Variants in KAT2B observed in about 807,000 individuals in gnomAD.
The protein encoded by KAT2B is histone acetyltransferase KAT2B.
In KAT2B, 36 loss-of-function variants were observed where a neutral mutation model predicts 105.9. That is an observed-to-expected ratio of 0.34 (90% CI 0.26 to 0.45). The LOEUF (loss-of-function observed/expected upper bound fraction) is 0.45, where lower values mean the gene tolerates loss of function less well. Ranked by LOEUF, KAT2B falls within the 20% of genes least tolerant of loss-of-function variation. The pLI is 1.00. For missense variants in KAT2B, 820 were observed against 1,021.6 expected, an observed-to-expected ratio of 0.80 and a Z score of 2.69; for synonymous variants, 397 against 377.9, an observed-to-expected ratio of 1.05 and a Z score of -0.59.
chr3:20,059,254 A>C (rs1440896438), intron 1 of KAT2B, among the ~76,000 whole-genome samples: 2 of 151,880 alleles, frequency 1.3e-5, no homozygotes, highest in African/African-American at 4.8e-5. Context: ...CTCTACTAAA[A>C]ATACAAAAAT....
chr3:20,048,513 G>A (rs1390959569), intron 1 of KAT2B, among the ~76,000 whole-genome samples: 1 of 152,164 alleles, frequency 6.6e-6, no homozygotes, highest in Non-Finnish European at 1.5e-5. Context: ...CGGTTGTTAA[G>A]TAAATCCATA....
intron 1 of KAT2B, among the ~76,000 whole-genome samples, chr3:20,057,256 A>G (rs1298897595): frequency 1.3e-5 from 2 of 152,170 alleles, no homozygotes; most frequent in African/African-American, 2.4e-5. Context: ...ATGGAGGGCA[A>G]GCCTTTTTGT....
chr3:20,086,876 G>C (rs1467843470), intron 2 of KAT2B, among the ~76,000 whole-genome samples: 1 of 113,366 alleles, frequency 8.8e-6, no homozygotes, highest in African/African-American at 4.0e-5. Context: ...CCACCTCCTG[G>C]ATTCAAGTCA....
intron 16 of KAT2B, 21 bp from the exon 17 acceptor site, chr3:20,148,382 T>C (rs1248447292): frequency 6.2e-7 from 1 of 1,609,716 alleles, no homozygotes; most frequent in Non-Finnish European, 8.5e-7. Flanking sequence ...ATTAGATACC[T>C]TACTTTTTTC....
At chr3:20,044,660 A>G (rs948941441) in intron 1 of KAT2B, among the ~76,000 whole-genome samples, 1 of 152,106 alleles carries the variant, frequency 6.6e-6, no homozygotes, top group Non-Finnish European at 1.5e-5. Flanking sequence ...TCCACATTTT[A>G]AAATTAACTC....
intron 2 of KAT2B, among the ~76,000 whole-genome samples, chr3:20,073,421 A>G (rs928188082): frequency 6.6e-6 from 1 of 152,176 alleles, no homozygotes; most frequent in Admixed American, 6.5e-5. Context: ...GTCGCCTCCA[A>G]GGTTAGCATG....
chr3:20,059,560 C>T (rs1380857969), intron 1 of KAT2B, among the ~76,000 whole-genome samples: 2 of 151,854 alleles, frequency 1.3e-5, no homozygotes, highest in Non-Finnish European at 2.9e-5. Context: ...AAAAAATTAG[C>T]CAGGTGTGGT....
Position 20,093,142 on chromosome 3 carries a change from A to G in KAT2B, c.431-2121A>G, listed in dbSNP as rs114353412. ...CATGTTAGTTTGAGTTCCCCAAGAA[A>G]CAGACTCTGAGACAAGGATTTGAGT... On this transcript the variant is annotated intron_variant, in intron 2 of 17. Transcript: ENST00000263754. Among the ~76,000 whole-genome samples, 1,356 of 152,320 alleles carry G rather than the reference A, an allele frequency of 8.9e-3. 16 individuals carry two copies. The highest frequency in any genetic ancestry group is 0.025 in the African/African-American group (1,026 of 41,566).
chr3:20,043,226 C>G (rs1186757604), intron 1 of KAT2B, among the ~76,000 whole-genome samples: 1 of 152,024 alleles, frequency 6.6e-6, no homozygotes, highest in Non-Finnish European at 1.5e-5. Flanking sequence ...TTTTATGTAT[C>G]CATTCATTCA....
intron 1 of KAT2B, among the ~76,000 whole-genome samples, chr3:20,047,091 T>C (rs1697825181): frequency 6.6e-6 from 1 of 151,956 alleles, no homozygotes; most frequent in Non-Finnish European, 1.5e-5. Context: ...CTTTTTTTTT[T>C]CTGAGGCTTT....
At chr3:20,140,732 T>G (rs887166955) in intron 13 of KAT2B, among the ~76,000 whole-genome samples, 1 of 152,170 alleles carries the variant, frequency 6.6e-6, no homozygotes, top group Non-Finnish European at 1.5e-5. Flanking sequence ...CCTCAAGTGA[T>G]CCACCTGCCT....
intron 1 of KAT2B, among the ~76,000 whole-genome samples, chr3:20,044,251 C>T (rs532027966): frequency 1.6e-4 from 24 of 151,640 alleles, no homozygotes; most frequent in Non-Finnish European, 2.4e-4. Context: ...GAGGCCGAGG[C>T]GGGAGGATCA....
intron 12 of KAT2B, 47 bp downstream of exon 12, chr3:20,137,099 T>C: frequency 3.2e-6 from 3 of 944,888 alleles, no homozygotes; most frequent in East Asian, 2.4e-5. Flanking sequence ...CTTTTCTTAA[T>C]ATGTTCTCAG....
chr3:20,100,111 G>T (rs1177803302), intron 4 of KAT2B, among the ~76,000 whole-genome samples, 157 bp downstream of exon 4: 1 of 152,160 alleles, frequency 6.6e-6, no homozygotes, highest in Non-Finnish European at 1.5e-5. Flanking sequence ...TGGATCAGAG[G>T]TGTATACCTA....
chr3:20,110,810 T>C (rs544783539), intron 5 of KAT2B, among the ~76,000 whole-genome samples: 1 of 152,258 alleles, frequency 6.6e-6, no homozygotes, highest in East Asian at 1.9e-4. Flanking sequence ...CCTAGAACTG[T>C]GGTCACATCT....
In KAT2B at chr3:20,072,495, T is replaced by C. The variant is rs544983010; in HGVS notation, c.430+36T>C. On this transcript the variant is annotated intron_variant, in intron 2 of 17. Coordinates refer to ENST00000263754, the MANE Select transcript of KAT2B (RefSeq NM_003884.5). ...AAATCTTCAAGGAAAGTATAACGAG[T>C]TCATTGTAGCGTGAGACTCTTAACT... The C allele has an allele frequency of 2.1e-5, 34 of 1,603,928 alleles. No homozygotes were observed. In the East Asian group the frequency reaches 3.3e-4, roughly 16 times the overall value.
rs1336583511 is a variant in KAT2B at position 20,040,574 on chromosome 3, C to CCGCCCG, written c.103_108dup (p.Ala35_Pro36dup). 8 of 1,135,740 alleles carry CCGCCCG rather than the reference C, an allele frequency of 7.0e-6. No homozygotes were observed. Among genetic ancestry groups the CCGCCCG allele is most frequent in the Non-Finnish European group, 8.6e-6 (8 of 926,764 alleles). The allele number at this position is 1,135,740 out of a possible 1,614,324, so 70.4% of individuals were successfully genotyped here. A position where few individuals can be genotyped will look rare whatever the true frequency, so the allele number is the denominator to read the frequency against. On this transcript the variant is annotated inframe_insertion, in exon 1 of 18. Transcript: ENST00000263754. ...GCTGCCCCCGCAGCCTGCGGCGCTTCCGCCCGCGCCCCCGCAGGGCTCCCC... is the reference window on the plus strand; with the variant it reads ...GCTGCCCCCGCAGCCTGCGGCGCTTCCGCCCGCGCCCGCGCCCCCGCAGGGCTCCCC...
At chr3:20,080,143 C>T (rs962728425) in intron 2 of KAT2B, among the ~76,000 whole-genome samples, 1 of 152,184 alleles carries the variant, frequency 6.6e-6, no homozygotes, top group East Asian at 1.9e-4. Context: ...ATCCCATTCT[C>T]CTGCTTAACC....
At position 20,125,983 on chromosome 3, in the gene KAT2B, G is replaced by A. The variant is rs1056293777; in HGVS notation, c.1492G>A (p.Val498Met). The change falls in exon 10 of 18, where the codon GTG becomes ATG. Residue 498 changes from valine (V) to methionine (M), a missense_variant. Physicochemically the swap from Val to Met is conservative, Grantham distance 21. This residue lies in a region of KAT2B where 225 missense variants were observed against 268.1 expected (regional missense o/e 0.84). Coordinates refer to ENST00000263754, the MANE Select transcript of KAT2B (RefSeq NM_003884.5). Reference protein sequence around the residue: ...EERRGVIEFHVVGNSLNQKPN... With the variant: ...EERRGVIEFHMVGNSLNQKPN... ...GCGCAGGGGTGTAATTGAATTTCAC[G>A]TGGTTGGCAATTCCCTCAACCAGAA... 14 of 1,613,926 alleles carry A rather than the reference G, an allele frequency of 8.7e-6. No homozygotes were observed. The African/African-American group carries it at 1.1e-4, about 12-fold the overall frequency.
Sources: gnomAD v4.1 joint callset for allele counts (sites outside exome capture counted in the v4.1 genomes callset) on GRCh38, gnomAD v4.1.1 for gene constraint, gnomAD v4.1.1 regional missense constraint, MANE v1.5 for transcripts, NCBI Gene and HGNC (gene_info 2026-07-23, HGNC 2026-07-21) for gene names.